FLRT1: variants seen among roughly 807,000 people sequenced by gnomAD.
FLRT1 encodes leucine-rich repeat transmembrane protein FLRT1.
FLRT1 carries 14 observed loss-of-function variants against 30.9 expected under a neutral mutation model. That is an observed-to-expected ratio of 0.45 (90% CI 0.30 to 0.71). The LOEUF (loss-of-function observed/expected upper bound fraction) is 0.71. Among genes scored for constraint, FLRT1 ranks in the 30% least tolerant of loss-of-function variants. FLRT1 has a pLI of 0.08. For missense variants in FLRT1, 737 were observed against 949.2 expected (o/e 0.78, Z 2.94); for synonymous variants, 368 against 430.4 (o/e 0.85, Z 1.80).
intron 2 of FLRT1, among the ~76,000 whole-genome samples, chr11:64,114,284 A>T (rs1944927297): frequency 6.8e-6 from 1 of 147,686 alleles, no homozygotes; most frequent in Admixed American, 6.8e-5. Context: ...GGATGGATGG[A>T]CAGGTGGATG....
intron 1 of FLRT1, among the ~76,000 whole-genome samples, chr11:64,084,590 T>C (rs1944360926): frequency 2.0e-5 from 3 of 152,124 alleles, no homozygotes; most frequent in Admixed American, 2.0e-4. Flanking sequence ...CTCTGTAAAA[T>C]GGGTGGACAG....
At chr11:64,089,760 C>G (rs1944457775) in intron 1 of FLRT1, among the ~76,000 whole-genome samples, 1 of 152,088 alleles carries the variant, frequency 6.6e-6, no homozygotes, top group Non-Finnish European at 1.5e-5. Context: ...AGCTGCCAGT[C>G]CCGTGGGGGC....
intron 1 of FLRT1, among the ~76,000 whole-genome samples, chr11:64,037,957 C>T (rs1488221961): frequency 6.6e-6 from 1 of 152,218 alleles, no homozygotes; most frequent in Non-Finnish European, 1.5e-5. Context: ...GGTCCTGCTC[C>T]TGGACTGGAG....
intron 1 of FLRT1, among the ~76,000 whole-genome samples, chr11:64,058,844 G>T (rs1455502683): frequency 1.3e-5 from 2 of 152,158 alleles, no homozygotes; most frequent in Non-Finnish European, 2.9e-5. Flanking sequence ...GCCGGCAAGG[G>T]GGGGTAGGAC....
chr11:64,055,083 C>A (rs377453938), intron 1 of FLRT1, among the ~76,000 whole-genome samples: 2 of 152,134 alleles, frequency 1.3e-5, no homozygotes, highest in Admixed American at 6.5e-5. Context: ...CCAGCCTGGT[C>A]CAGAAGGTGA....
rs942009946 is a variant in FLRT1, at chr11:64,067,821, C to G, written c.-1038+31662C>G. ...GGGCGGCTGTGCCACCCCCACACTCCTGAAATGGGTGATGAGGGGGTTGGG... is the reference window on the plus strand; with the variant it reads ...GGGCGGCTGTGCCACCCCCACACTCGTGAAATGGGTGATGAGGGGGTTGGG... On this transcript the variant is annotated intron_variant, in intron 1 of 2. Coordinates refer to ENST00000682287, the MANE Select transcript of FLRT1 (RefSeq NM_013280.5). This position sits in a 1 kb window ranked among gnomAD's most constrained non-coding sequence, Gnocchi z 4.6. 2.0e-5 allele frequency among the ~76,000 whole-genome samples: 3 copies of G among 152,150 alleles called. No individual in the cohort carries two copies. The highest frequency in any genetic ancestry group is 2.9e-5 in the Non-Finnish European group (2 of 68,020).
At chr11:64,069,662 C>T (rs2134458134) in intron 1 of FLRT1, among the ~76,000 whole-genome samples, 1 of 152,232 alleles carries the variant, frequency 6.6e-6, no homozygotes, top group Middle Eastern at 3.4e-3. Flanking sequence ...GAGGCAGCCC[C>T]TCCATGGCTT....
intron 2 of FLRT1, among the ~76,000 whole-genome samples, chr11:64,110,665 C>A (rs1232080717): frequency 6.6e-6 from 1 of 152,116 alleles, no homozygotes; most frequent in African/African-American, 2.4e-5. Flanking sequence ...CCCCCGTGGC[C>A]CGCTAAGGAT....
chr11:64,058,731 CCTCCTGCTTGCCAGCGGCAGCTT>C (rs1379261868), intron 1 of FLRT1, among the ~76,000 whole-genome samples: 2 of 152,282 alleles, frequency 1.3e-5, no homozygotes, highest in Non-Finnish European at 2.9e-5. Context: ...AATTACCTCG[CCTCCTGCTTGCCAGCGGCAGCTT>C]CTAGGGTGGC....
chr11:64,081,432 C>G (rs562147016), intron 1 of FLRT1, among the ~76,000 whole-genome samples: 3 of 152,304 alleles, frequency 2.0e-5, no homozygotes, highest in Admixed American at 2.0e-4. Context: ...GGGACCTGTC[C>G]CAGCTGTGAC....
At chr11:64,109,284 C>T (rs1193101346) in intron 2 of FLRT1, among the ~76,000 whole-genome samples, 1 of 152,116 alleles carries the variant, frequency 6.6e-6, no homozygotes, top group African/African-American at 2.4e-5. Flanking sequence ...AGACAGTGGG[C>T]CATAAGCCAC....
In FLRT1 at chr11:64,096,802, T is replaced by G. The variant is rs562518040; in HGVS notation, c.-1037-6392T>G. Among the ~76,000 whole-genome samples the G allele has an allele frequency of 2.6e-3, 391 of 152,264 alleles. 3 individuals carry two copies. The highest frequency in any genetic ancestry group is 0.024 in the South Asian group (118 of 4,826). On this transcript the variant is annotated intron_variant, in intron 1 of 2. Transcript: ENST00000682287. The surrounding 1 kb of genome is among the most constrained non-coding windows in gnomAD (Gnocchi z 4.6). Reference sequence around the variant, plus strand: ...CTCCCTGAGGGGAAGAGGGCAGGCCTGTGGGGGGCTGCCGTGTCCCCATAC... The same window carrying G: ...CTCCCTGAGGGGAAGAGGGCAGGCCGGTGGGGGGCTGCCGTGTCCCCATAC...
At position 64,117,578 on chromosome 11, in the gene FLRT1, G is replaced by C; in HGVS notation, c.1311G>C (p.Lys437Asn). ...CCATGGCCACGGGTGATGGCGCCAA[G>C]ACCCTGGCCATCCACGTGAAGGCCC... ...DYPMATGDGAKTLAIHVKALT... is the reference protein window; with the variant it reads ...DYPMATGDGANTLAIHVKALT... Residue 437 changes from lysine (K) to asparagine (N), a missense_variant, in exon 3 of 3, where the codon AAG (lysine) becomes AAC (asparagine). Coordinates refer to ENST00000682287, the MANE Select transcript of FLRT1 (RefSeq NM_013280.5). 1.2e-6 allele frequency: 2 copies of C among 1,611,136 alleles called. No individual in the cohort carries two copies. Among genetic ancestry groups the C allele is most frequent in the Non-Finnish European group, 1.7e-6 (2 of 1,178,358 alleles).
intron 1 of FLRT1, among the ~76,000 whole-genome samples, chr11:64,072,911 G>T (rs1436401075): frequency 6.6e-6 from 1 of 152,184 alleles, no homozygotes; most frequent in Non-Finnish European, 1.5e-5. Context: ...TCTCAAAAGA[G>T]TCAGGTTCTC....
intron 1 of FLRT1, among the ~76,000 whole-genome samples, chr11:64,070,697 A>T (rs1406317182): frequency 1.3e-5 from 2 of 152,338 alleles, no homozygotes; most frequent in Non-Finnish European, 2.9e-5. Context: ...AGGACTTTGA[A>T]AAATAAAAAA....
At chr11:64,094,407 G>A (rs1944540809) in intron 1 of FLRT1, among the ~76,000 whole-genome samples, 2 of 151,312 alleles carry the variant, frequency 1.3e-5, no homozygotes, top group East Asian at 1.9e-4. Context: ...CTCCAGCCTG[G>A]GCGACAGAGT....
intron 2 of FLRT1, among the ~76,000 whole-genome samples, chr11:64,106,747 A>G (rs1944769175): frequency 6.6e-6 from 1 of 152,210 alleles, no homozygotes; most frequent in Non-Finnish European, 1.5e-5. Context: ...CAGAGCCCGC[A>G]GCCTCAGTCC....
chr11:64,088,166 G>A (rs942336994), intron 1 of FLRT1, among the ~76,000 whole-genome samples: 5 of 152,194 alleles, frequency 3.3e-5, no homozygotes, highest in Admixed American at 6.5e-5. Context: ...GTTGAACCCC[G>A]CAGGGACCCA....
intron 1 of FLRT1, among the ~76,000 whole-genome samples, chr11:64,081,331 T>A (rs772273314): frequency 1.3e-5 from 2 of 152,192 alleles, no homozygotes; most frequent in Non-Finnish European, 2.9e-5. Context: ...CTACACTTCA[T>A]ATTTTAAAAT....
Sources: gnomAD v4.1 joint callset for allele counts (sites outside exome capture counted in the v4.1 genomes callset) on GRCh38, gnomAD v4.1.1 for gene constraint, Gnocchi (gnomAD v3.1) non-coding constraint, MANE v1.5 for transcripts, NCBI Gene and HGNC (gene_info 2026-07-23, HGNC 2026-07-21) for gene names.